EMC2: variants seen among roughly 807,000 people sequenced by gnomAD.
EMC2 encodes ER membrane protein complex subunit 2.
In EMC2, 37 loss-of-function variants were observed where a neutral mutation model predicts 51.6. That is an observed-to-expected ratio of 0.72 (90% CI 0.55 to 0.94). The LOEUF is 0.94. Ranked by LOEUF, EMC2 falls within the 40% of genes least tolerant of loss-of-function variation. EMC2 has a pLI of 0.00. For synonymous variants in EMC2, 131 were observed against 112.4 expected, an observed-to-expected ratio of 1.17 and a Z score of -1.04; for missense variants, 359 against 350.9, an observed-to-expected ratio of 1.02 and a Z score of -0.18.
chr8:108,463,005 G>A (rs887087992), intron 5 of EMC2, among the ~76,000 whole-genome samples: 3 of 152,108 alleles, frequency 2.0e-5, no homozygotes, highest in Admixed American at 2.0e-4. Context: ...AGGTTCTGGT[G>A]CTCTGCCTAG....
chr8:108,449,275 CT>C (rs71303983), intron 1 of EMC2, among the ~76,000 whole-genome samples: 81,881 of 128,738 alleles, frequency 0.64, 25,129 homozygotes, highest in African/African-American at 0.76. Context: ...ACCATGCTGC[CT>C]TTTTTTTTTT....
intron 5 of EMC2, among the ~76,000 whole-genome samples, chr8:108,458,606 C>T (rs1426214623): frequency 2.6e-5 from 4 of 152,088 alleles, no homozygotes; most frequent in South Asian, 2.1e-4. Context: ...TGGTCCCTTT[C>T]GGCCACAGGG....
In EMC2 at chr8:108,452,053, T is replaced by A. The variant is rs148878055; in HGVS notation, c.220-1009T>A. On this transcript the variant is annotated intron_variant, in intron 3 of 10. Coordinates refer to ENST00000220853, the MANE Select transcript of EMC2 (RefSeq NM_014673.5). ...ATTGTTTTGGTCACACATGCATTAA[T>A]ATGCTTCAGTGGACTATTTGTATCA... 7.9e-3 allele frequency among the ~76,000 whole-genome samples: 1,206 copies of A among 152,340 alleles called. 15 individuals carry two copies. Among genetic ancestry groups the A allele is most frequent in the African/African-American group, 0.028 (1,153 of 41,570 alleles).
At chr8:108,485,548 TATATATACAC>T (rs1277803398) in intron 10 of EMC2, among the ~76,000 whole-genome samples, 1 of 67,180 alleles carries the variant, frequency 1.5e-5, no homozygotes, top group Non-Finnish European at 2.6e-5. Flanking sequence ...TATATGTATA[TATATATACAC>T]ACACACACAC....
At chr8:108,468,629 G>A (rs919081346) in intron 5 of EMC2, among the ~76,000 whole-genome samples, 2 of 151,854 alleles carry the variant, frequency 1.3e-5, no homozygotes, top group Non-Finnish European at 2.9e-5. Flanking sequence ...TTACCACCCC[G>A]TAATGAGTAG....
intron 1 of EMC2, among the ~76,000 whole-genome samples, chr8:108,445,583 A>T (rs1193621910): frequency 6.6e-6 from 1 of 150,876 alleles, no homozygotes; most frequent in Non-Finnish European, 1.5e-5. Flanking sequence ...CCCTTTCCTC[A>T]TCCCCCACCA....
At chr8:108,457,839 A>G (rs924579023) in intron 5 of EMC2, among the ~76,000 whole-genome samples, 1 of 152,194 alleles carries the variant, frequency 6.6e-6, no homozygotes, top group Non-Finnish European at 1.5e-5. Context: ...TGCCTTCCCA[A>G]CAGTCTCCGA....
intron 3 of EMC2, among the ~76,000 whole-genome samples, 184 bp from the exon 4 acceptor site, chr8:108,452,878 G>A (rs568373559): frequency 6.6e-6 from 1 of 152,150 alleles, no homozygotes. Context: ...ACTGATTGTT[G>A]CCTTCACTGT....
intron 5 of EMC2, among the ~76,000 whole-genome samples, chr8:108,460,804 C>T (rs1028399764): frequency 1.1e-4 from 16 of 152,132 alleles, no homozygotes; most frequent in African/African-American, 2.7e-4. Context: ...GGTAAACATT[C>T]GAGAGCAAAG....
rs1476361608 is a variant in EMC2 at position 108,489,062 on chromosome 8, G to A, written c.*2464G>A. ...GTGAGAATGAAAGTTACATTTCAGAGATAGAACTGAAGGAGGATTAAGGGG... is the reference window on the plus strand; with the variant it reads ...GTGAGAATGAAAGTTACATTTCAGAAATAGAACTGAAGGAGGATTAAGGGG... On this transcript the variant is annotated 3_prime_UTR_variant, in exon 11 of 11. Coordinates refer to ENST00000220853, the MANE Select transcript of EMC2 (RefSeq NM_014673.5). Among the ~76,000 whole-genome samples the A allele has an allele frequency of 6.6e-6, 1 of 152,158 alleles. No homozygotes were observed. The highest frequency in any genetic ancestry group is 1.5e-5 in the Non-Finnish European group (1 of 68,028).
intron 4 of EMC2, 113 bp downstream of exon 4, chr8:108,453,260 C>A: frequency 2.1e-6 from 1 of 468,342 alleles, no homozygotes. Flanking sequence ...CTCAATATGG[C>A]TTTAATTTAC....
At chr8:108,460,767 T>C (rs1318668699) in intron 5 of EMC2, among the ~76,000 whole-genome samples, 1 of 152,242 alleles carries the variant, frequency 6.6e-6, no homozygotes, top group Non-Finnish European at 1.5e-5. Flanking sequence ...GGATACTCCC[T>C]GTAGTAACTA....
intron 5 of EMC2, among the ~76,000 whole-genome samples, chr8:108,468,856 T>C (rs1179340648): frequency 1.3e-5 from 2 of 152,232 alleles, no homozygotes; most frequent in Non-Finnish European, 2.9e-5. Context: ...CCTGACTGTT[T>C]ACTTCAGCCA....
At chr8:108,476,080 A>G (rs1810941513) in intron 8 of EMC2, 117 bp downstream of exon 8, 1 of 560,564 alleles carries the variant, frequency 1.8e-6, no homozygotes, top group East Asian at 3.2e-5. Context: ...AAAACATCTG[A>G]TGAGCATTGA....
intron 5 of EMC2, among the ~76,000 whole-genome samples, chr8:108,459,742 G>GTA (rs1385142192): frequency 2.0e-5 from 3 of 151,944 alleles, no homozygotes; most frequent in Admixed American, 1.3e-4. Flanking sequence ...GTGTGTGTGT[G>GTA]TGTGTGTGTG....
chr8:108,468,462 AT>A (rs1280452195), intron 5 of EMC2, among the ~76,000 whole-genome samples: 2 of 151,524 alleles, frequency 1.3e-5, no homozygotes, highest in Non-Finnish European at 2.9e-5. Context: ...TTTATTTTTT[AT>A]TTTTTTTACT....
chr8:108,465,246 A>G (rs142823765), intron 5 of EMC2, among the ~76,000 whole-genome samples: 294 of 152,268 alleles, frequency 1.9e-3, no homozygotes, highest in African/African-American at 6.7e-3. Flanking sequence ...TAGTGTATAT[A>G]TATCTTTAGT....
rs1213195510 is a variant in EMC2, at chr8:108,459,859, AAAAAAT to A, written c.363+3938_363+3943del. ...TGACAGTTGCAAACCTATCTGTAAT[AAAAAAT>A]AAAAATAAGAAATAGCTTCTATAAG... On this transcript the variant is annotated intron_variant, in intron 5 of 10. Transcript: ENST00000220853. Among the ~76,000 whole-genome samples, 4 of 152,150 alleles carry A rather than the reference AAAAAAT, an allele frequency of 2.6e-5. No individual in the cohort carries two copies. The East Asian group carries it at 5.8e-4, about 22-fold the overall frequency.
Position 108,488,982 on chromosome 8 carries a change from G to A in EMC2, c.*2384G>A, listed in dbSNP as rs1811192433. On this transcript the variant is annotated 3_prime_UTR_variant, in exon 11 of 11. Coordinates refer to ENST00000220853, the MANE Select transcript of EMC2 (RefSeq NM_014673.5). ...TCATTGCCTCTTTCTCCTCTTTCTGGCCAACAGCATGCCTAAAGGTGCAGC... is the reference window on the plus strand; with the variant it reads ...TCATTGCCTCTTTCTCCTCTTTCTGACCAACAGCATGCCTAAAGGTGCAGC... Among the ~76,000 whole-genome samples the A allele has an allele frequency of 6.6e-6, 1 of 152,064 alleles. No homozygotes were observed. The highest frequency in any genetic ancestry group is 6.6e-5 in the Admixed American group (1 of 15,260).
Sources: gnomAD v4.1 joint callset for allele counts (sites outside exome capture counted in the v4.1 genomes callset) on GRCh38, gnomAD v4.1.1 for gene constraint, MANE v1.5 for transcripts, NCBI Gene and HGNC (gene_info 2026-07-23, HGNC 2026-07-21) for gene names.